GRM8: variants seen among roughly 807,000 people sequenced by gnomAD.
The protein encoded by GRM8 is glutamate metabotropic receptor 8, also known as metabotropic glutamate receptor 8.
GRM8 carries 47 observed loss-of-function variants against 87.2 expected under a neutral mutation model. That is an observed-to-expected ratio of 0.54 (90% CI 0.43 to 0.69). The LOEUF is 0.69. Among genes scored for constraint, GRM8 ranks in the 30% least tolerant of loss-of-function variants. GRM8 has a pLI of 0.00. For missense variants in GRM8, 1,019 were observed against 1,139.2 expected (o/e 0.89, Z 1.52); for synonymous variants, 396 against 404.5 (o/e 0.98, Z 0.25).
intron 7 of GRM8, among the ~76,000 whole-genome samples, chr7:126,725,743 C>T (rs1014805825): frequency 3.3e-5 from 5 of 152,196 alleles, no homozygotes; most frequent in Non-Finnish European, 7.3e-5. Flanking sequence ...GCGTTGGCAT[C>T]TGCTCAGCTT....
chr7:126,805,544 T>A (rs1792588809), intron 6 of GRM8, among the ~76,000 whole-genome samples: 1 of 152,198 alleles, frequency 6.6e-6, no homozygotes, highest in African/African-American at 2.4e-5. Context: ...ACCCACTGTT[T>A]CTGTCCCTAG....
At chr7:126,860,798 C>A (rs886626214) in intron 6 of GRM8, among the ~76,000 whole-genome samples, 3 of 152,080 alleles carry the variant, frequency 2.0e-5, no homozygotes, top group Non-Finnish European at 4.4e-5. Context: ...AAATACTGCA[C>A]ATTTTTATAT....
At chr7:127,222,709 T>C (rs776826211) in intron 2 of GRM8, among the ~76,000 whole-genome samples, 2 of 152,176 alleles carry the variant, frequency 1.3e-5, no homozygotes, top group Non-Finnish European at 2.9e-5. Flanking sequence ...GCCCAATATG[T>C]TCCAGGCACC....
intron 9 of GRM8, among the ~76,000 whole-genome samples, chr7:126,517,447 T>C (rs1310111615): frequency 6.6e-6 from 1 of 152,064 alleles, no homozygotes; most frequent in African/African-American, 2.4e-5. Flanking sequence ...TGGGAATATA[T>C]GCCACGTCAC....
intron 2 of GRM8, among the ~76,000 whole-genome samples, chr7:127,239,816 C>T (rs1798181675): frequency 1.3e-5 from 2 of 152,194 alleles, no homozygotes; most frequent in South Asian, 2.1e-4. Flanking sequence ...ATCTAATTCA[C>T]ATTCTTATGG....
intron 9 of GRM8, among the ~76,000 whole-genome samples, chr7:126,477,573 AAGAAAG>A (rs140501180): frequency 0.061 from 6,888 of 112,728 alleles, 266 homozygotes; most frequent in Non-Finnish European, 0.072. Flanking sequence ...GAAAGAAAGA[AAGAAAG>A]AGAGAAAGAA....
chr7:126,938,242 G>A (rs1020334984), intron 3 of GRM8, among the ~76,000 whole-genome samples: 11 of 152,132 alleles, frequency 7.2e-5, no homozygotes, highest in African/African-American at 1.9e-4. Flanking sequence ...GTGAAGGAGG[G>A]TGCCACCACT....
chr7:126,726,949 T>A (rs1481483352), intron 7 of GRM8, among the ~76,000 whole-genome samples: 1 of 152,110 alleles, frequency 6.6e-6, no homozygotes, highest in Non-Finnish European at 1.5e-5. Context: ...TAAATTTACA[T>A]ATTCTTGATA....
chr7:127,015,176 G>T (rs1247000008), intron 3 of GRM8, among the ~76,000 whole-genome samples: 1 of 86,976 alleles, frequency 1.1e-5, no homozygotes, highest in Non-Finnish European at 2.3e-5. Flanking sequence ...GAAGGAGAAG[G>T]AGAAGAAGAA....
At position 126,446,382 on chromosome 7, in the gene GRM8, GAA is replaced by G; in HGVS notation, c.2431-12_2431-11del. The G allele has an allele frequency of 9.9e-6, 14 of 1,414,660 alleles. No individual in the cohort carries two copies. The highest frequency in any genetic ancestry group is 1.1e-5 in the Non-Finnish European group (12 of 1,046,656). The allele number at this position is 1,414,660 out of a possible 1,614,324, so 87.6% of individuals were successfully genotyped here. ...TTGTCTGGATGTACATCTGAGGGAA[GAA>G]AAAAAAAAGAATCACTGTTGGTAAG... On this transcript the variant is annotated splice_polypyrimidine_tract_variant and intron_variant, in intron 9 of 10. Coordinates refer to ENST00000339582, the MANE Select transcript of GRM8 (RefSeq NM_000845.3).
intron 7 of GRM8, among the ~76,000 whole-genome samples, chr7:126,761,679 A>AGGAC (rs1386445071): frequency 3.9e-5 from 6 of 152,314 alleles, no homozygotes; most frequent in Middle Eastern, 3.4e-3. Context: ...GTTTCTAACC[A>AGGAC]GGACCAAGCT....
chr7:127,071,430 C>T (rs1014305097), intron 3 of GRM8, among the ~76,000 whole-genome samples: 2 of 152,178 alleles, frequency 1.3e-5, no homozygotes, highest in Non-Finnish European at 2.9e-5. Flanking sequence ...CCACCTCACC[C>T]TGCCTTCTTT....
chr7:126,791,873 G>C (rs532754593), intron 6 of GRM8, among the ~76,000 whole-genome samples: 1 of 152,314 alleles, frequency 6.6e-6, no homozygotes, highest in South Asian at 2.1e-4. Flanking sequence ...GAAAGATGGA[G>C]AAATGGAGAC....
chr7:126,832,472 A>G (rs1795485421), intron 6 of GRM8, among the ~76,000 whole-genome samples: 1 of 152,182 alleles, frequency 6.6e-6, no homozygotes, highest in South Asian at 2.1e-4. Flanking sequence ...ACAAAAAAAC[A>G]CCCCAATATA....
chr7:126,685,454 G>A lies in GRM8; in HGVS notation c.1358-75956C>T, dbSNP rs1384381641. On this transcript the variant is annotated intron_variant, in intron 7 of 10. Transcript: ENST00000339582. This position sits in a 1 kb window ranked among gnomAD's most constrained non-coding sequence, Gnocchi z 4.2. ...GCTGCAGCTGCTCTGCCCCATCTCT[G>A]GACCCAGGCATCTCTGTGTTCCTGG... Among the ~76,000 whole-genome samples, 2 of 152,092 alleles carry A rather than the reference G, an allele frequency of 1.3e-5. No homozygotes were observed. Among genetic ancestry groups the A allele is most frequent in the African/African-American group, 4.8e-5 (2 of 41,426 alleles).
chr7:127,162,120 C>G (rs1793154792), intron 2 of GRM8, among the ~76,000 whole-genome samples: 1 of 152,132 alleles, frequency 6.6e-6, no homozygotes, highest in Admixed American at 6.6e-5. Flanking sequence ...TTTGTAAGAT[C>G]CTCTTATGTT....
At chr7:126,860,958 C>T (rs1032932416) in intron 6 of GRM8, among the ~76,000 whole-genome samples, 2 of 152,090 alleles carry the variant, frequency 1.3e-5, no homozygotes, top group Non-Finnish European at 1.5e-5. Context: ...GTATGGTGAA[C>T]ATATTAAAAT....
chr7:126,723,402 C>T (rs1812641406), intron 7 of GRM8, among the ~76,000 whole-genome samples: 1 of 151,834 alleles, frequency 6.6e-6, no homozygotes, highest in African/African-American at 2.4e-5. Flanking sequence ...ACGGAACAGG[C>T]CTGGGTGGAG....
At chr7:126,832,797 A>C (rs746898111) in intron 6 of GRM8, among the ~76,000 whole-genome samples, 9 of 152,234 alleles carry the variant, frequency 5.9e-5, no homozygotes, top group Non-Finnish European at 1.2e-4. Flanking sequence ...TTTTGCAGTT[A>C]TTCCCTGGCT....
Sources: allele counts gnomAD v4.1 joint callset (sites outside exome capture counted in the v4.1 genomes callset), GRCh38; gene constraint gnomAD v4.1.1; non-coding constraint Gnocchi (gnomAD v3.1); transcripts MANE v1.5; gene names NCBI Gene and HGNC (gene_info 2026-07-23, HGNC 2026-07-21).